Variants in ARHGEF38 observed in about 807,000 individuals in gnomAD.
ARHGEF38 encodes Rho guanine nucleotide exchange factor 38.
ARHGEF38 carries 79 observed loss-of-function variants against 79.9 expected under a neutral mutation model. The ratio of observed to expected loss-of-function variants is 0.99; its 90% CI spans 0.82 to 1.19. ARHGEF38 has a LOEUF of 1.19. Ranked by LOEUF, ARHGEF38 falls within the 50% of genes most tolerant of loss-of-function variation. ARHGEF38 has a pLI of 0.00. For synonymous variants in ARHGEF38, 366 were observed against 328.3 expected (o/e 1.11, Z -1.24); for missense variants, 962 against 907.2 (o/e 1.06, Z -0.78).
chr4:105,607,358 GT>G (rs1458557945), intron 2 of ARHGEF38, among the ~76,000 whole-genome samples: 1 of 152,042 alleles, frequency 6.6e-6, no homozygotes, highest in African/African-American at 2.4e-5. Context: ...TCAGAGCCTA[GT>G]GAATTGATTA....
chr4:105,596,911 C>G (rs899259135), intron 2 of ARHGEF38, among the ~76,000 whole-genome samples: 1 of 152,180 alleles, frequency 6.6e-6, no homozygotes, highest in Non-Finnish European at 1.5e-5. Context: ...CAGTGCATAG[C>G]GGCTCTGCAG....
chr4:105,622,167 G>A (rs1049861493), intron 3 of ARHGEF38, among the ~76,000 whole-genome samples: 2 of 152,138 alleles, frequency 1.3e-5, no homozygotes, highest in Non-Finnish European at 2.9e-5. Flanking sequence ...GATTTCTGAG[G>A]AGGATGGTAA....
chr4:105,562,041 T>A (rs771528396), intron 1 of ARHGEF38, among the ~76,000 whole-genome samples: 1 of 152,178 alleles, frequency 6.6e-6, no homozygotes, highest in African/African-American at 2.4e-5. Flanking sequence ...ATGAGAATAT[T>A]CCCTTCTTGG....
intron 3 of ARHGEF38, among the ~76,000 whole-genome samples, chr4:105,616,431 A>G (rs1728509684): frequency 1.3e-5 from 2 of 152,094 alleles, no homozygotes; most frequent in South Asian, 4.1e-4. Context: ...GGGGAAGCAA[A>G]GACCTTCTCC....
intron 10 of ARHGEF38, among the ~76,000 whole-genome samples, chr4:105,663,518 T>C (rs1730637853): frequency 6.6e-6 from 1 of 152,202 alleles, no homozygotes; most frequent in Non-Finnish European, 1.5e-5. Context: ...TTCTACAAAT[T>C]TGACTACTTT....
rs1298406401 is a variant in ARHGEF38 at position 105,659,268 on chromosome 4, C to A, written c.1448C>A (p.Ala483Asp). The change falls in exon 10 of 14, where the codon GCT (alanine) becomes GAT (aspartate). Residue 483 changes from alanine (A) to aspartate (D), a missense_variant. Physicochemically the swap from Ala to Asp is moderately radical, Grantham distance 126. Transcript: ENST00000420470. ...LVEELQAFNQ[A>D]ARKILLNCLC... is the part of the protein sequence containing the mutation. ...GAGGAGCTCCAGGCATTCAACCAGGCTGCTCGGAAGATTCTGTTGAACTGT... is the reference window on the plus strand; with the variant it reads ...GAGGAGCTCCAGGCATTCAACCAGGATGCTCGGAAGATTCTGTTGAACTGT... 7.2e-6 allele frequency: 11 copies of A among 1,536,036 alleles called. No homozygotes were observed. Among genetic ancestry groups the A allele is most frequent in the Non-Finnish European group, 8.7e-6 (10 of 1,146,894 alleles).
intron 6 of ARHGEF38, among the ~76,000 whole-genome samples, chr4:105,646,866 A>G (rs553661682): frequency 6.6e-6 from 1 of 152,142 alleles, no homozygotes; most frequent in Non-Finnish European, 1.5e-5. Context: ...AAGTGGTAGA[A>G]GAATATGTGC....
At position 105,675,058 on chromosome 4, in the gene ARHGEF38, T is replaced by C. The variant is rs116421049; in HGVS notation, c.2149-2694T>C. 1.9e-3 allele frequency among the ~76,000 whole-genome samples: 296 copies of C among 152,314 alleles called. 1 individual carries two copies. Among genetic ancestry groups the C allele is most frequent in the African/African-American group, 7.0e-3 (289 of 41,578 alleles). On this transcript the variant is annotated intron_variant, in intron 13 of 13. Transcript: ENST00000420470. ...CCGAATACTTTTGCAAACCAAATCT[T>C]CCATTCTGTTCCTGTGGATTTATTC... is the stretch of plus-strand genomic sequence containing the variant.
intron 3 of ARHGEF38, among the ~76,000 whole-genome samples, chr4:105,616,348 C>T (rs1276382797): frequency 6.6e-6 from 1 of 152,132 alleles, no homozygotes; most frequent in Non-Finnish European, 1.5e-5. Context: ...TTAATTGACT[C>T]ACAGTTCTTC....
chr4:105,654,202 C>A, intron 8 of ARHGEF38, 33 bp downstream of exon 8: 2 of 1,226,930 alleles, frequency 1.6e-6, no homozygotes, highest in Non-Finnish European at 2.2e-6. Context: ...CAGTGTTCTA[C>A]AGGAACATCT....
At chr4:105,582,292 C>G (rs1726834449) in intron 1 of ARHGEF38, among the ~76,000 whole-genome samples, 1 of 146,170 alleles carries the variant, frequency 6.8e-6, no homozygotes, top group Non-Finnish European at 1.5e-5. Flanking sequence ...TTTCTTTTGG[C>G]TTATTGTATT....
At chr4:105,658,587 G>A (rs1350431401) in intron 9 of ARHGEF38, among the ~76,000 whole-genome samples, 1 of 152,070 alleles carries the variant, frequency 6.6e-6, no homozygotes, top group Non-Finnish European at 1.5e-5. Flanking sequence ...AGTCTCCTAT[G>A]GGATGAACTA....
chr4:105,552,831 G>A lies in ARHGEF38; in HGVS notation c.66G>A (p.Leu22=), dbSNP rs763912179. The A allele has an allele frequency of 2.5e-6, 4 of 1,613,140 alleles. No individual in the cohort carries two copies. Among genetic ancestry groups the A allele is most frequent in the Non-Finnish European group, 3.4e-6 (4 of 1,179,568 alleles). The change falls in exon 1 of 14, where the codon TTG becomes TTA. Residue 22 remains leucine, a synonymous_variant. Coordinates refer to ENST00000420470, the MANE Select transcript of ARHGEF38 (RefSeq NM_001242729.2). ...MVTKKKNLAF[L]RSRLYMLERR... ...CCAAGAAAAAGAATCTGGCCTTCTTGAGGTCTAGACTCTATATGCTGGAGA... is the reference window on the plus strand; with the variant it reads ...CCAAGAAAAAGAATCTGGCCTTCTTAAGGTCTAGACTCTATATGCTGGAGA...
At chr4:105,578,165 T>G (rs1160875454) in intron 1 of ARHGEF38, among the ~76,000 whole-genome samples, 1 of 152,208 alleles carries the variant, frequency 6.6e-6, no homozygotes, top group Admixed American at 6.5e-5. Flanking sequence ...ATTTCTATCT[T>G]GATTTCATCA....
In ARHGEF38 at chr4:105,574,703, T is replaced by A. The variant is rs530750058; in HGVS notation, c.197-14545T>A. 5.3e-5 allele frequency among the ~76,000 whole-genome samples: 8 copies of A among 152,264 alleles called. No homozygotes were observed. The East Asian group carries it at 1.5e-3, about 29-fold the overall frequency. ...ATTATGTTAAGGCGGTTTCTTTCTA[T>A]CCCTTGTTTGTTGGATTAAAAAAAT... On this transcript the variant is annotated intron_variant, in intron 1 of 13. Transcript: ENST00000420470.
At position 105,679,071 on chromosome 4, in the gene ARHGEF38, GC is replaced by G; in HGVS notation, c.*1139del. 2 of 479,690 alleles carry G rather than the reference GC, an allele frequency of 4.2e-6. No homozygotes were observed. The allele number at this position is 479,690 out of a possible 1,614,324, so 29.7% of individuals were successfully genotyped here. ...ATACTCAGTCAAAACTCCATTTGTG[GC>G]CCCCACTTCTTGATCTATTTCTGTT... On this transcript the variant is annotated 3_prime_UTR_variant, in exon 14 of 14. Coordinates refer to ENST00000420470, the MANE Select transcript of ARHGEF38 (RefSeq NM_001242729.2).
chr4:105,561,657 T>C (rs979230996), intron 1 of ARHGEF38: 1 of 152,128 alleles, frequency 6.6e-6, no homozygotes, highest in East Asian at 1.9e-4. Flanking sequence ...GGTAAGGGAA[T>C]ACCTTTCCTC....
rs974972539 is a variant in ARHGEF38, at chr4:105,667,611, A to G, written c.2056A>G (p.Ile686Val). The G allele has an allele frequency of 2.0e-6, 3 of 1,536,740 alleles. No homozygotes were observed. The highest frequency in any genetic ancestry group is 2.4e-5 in the South Asian group (2 of 84,070). The change falls in exon 13 of 14, where the codon ATT (isoleucine) becomes GTT (valine). Residue 686 changes from isoleucine to valine, a missense_variant. Physicochemically the swap from Ile to Val is conservative, Grantham distance 29. Coordinates refer to ENST00000420470, the MANE Select transcript of ARHGEF38 (RefSeq NM_001242729.2). The stretch of plus-strand genomic sequence containing the variant: ...TGTCACAGGCACCTCAGAAAGCAGC[A>G]TTGGTGATAGCAGCTCATCTCTTAG... Reference protein sequence around the residue: ...DSVTGTSESSIGDSSSSLSGT... With the variant: ...DSVTGTSESSVGDSSSSLSGT...
At chr4:105,594,628 G>C (rs1393342509) in intron 2 of ARHGEF38, among the ~76,000 whole-genome samples, 1 of 152,216 alleles carries the variant, frequency 6.6e-6, no homozygotes, top group Non-Finnish European at 1.5e-5. Context: ...ACTGAGGAAA[G>C]TACCAGAAGT....
Sources: allele counts gnomAD v4.1 joint callset (sites outside exome capture counted in the v4.1 genomes callset), GRCh38; gene constraint gnomAD v4.1.1; transcripts MANE v1.5; gene names NCBI Gene and HGNC (gene_info 2026-07-23, HGNC 2026-07-21).